EXTL1: variants seen among roughly 807,000 people sequenced by gnomAD.
The protein encoded by EXTL1 is exostosin like glycosyltransferase 1.
Under a neutral mutation model 64.6 loss-of-function variants are expected in EXTL1, and 43 were observed. The ratio of observed to expected loss-of-function variants is 0.67; its 90% CI spans 0.52 to 0.86. The LOEUF (loss-of-function observed/expected upper bound fraction) is 0.86, where lower values mean the gene tolerates loss of function less well. Among genes scored for constraint, EXTL1 ranks in the 40% least tolerant of loss-of-function variants. The probability of loss-of-function intolerance (pLI) is 0.00; values close to 1 mark genes in which losing one functional copy is unlikely to be tolerated. For synonymous variants in EXTL1, 352 were observed against 360.5 expected (o/e 0.98, Z 0.27); for missense variants, 766 against 879.0 (o/e 0.87, Z 1.62).
At position 26,025,925 on chromosome 1, in the gene EXTL1, C is replaced by T. The variant is rs1421199126; in HGVS notation, c.779+2500C>T. On this transcript the variant is annotated intron_variant, in intron 1 of 10. Coordinates refer to ENST00000374280, the MANE Select transcript of EXTL1 (RefSeq NM_004455.3). This position sits in a 1 kb window ranked among gnomAD's most constrained non-coding sequence, Gnocchi z 5.3. ...AAGGGGCACAGTCAGTACCTAGGGC[C>T]CATGATACTTTTATAGGCTCATGAA... Among the ~76,000 whole-genome samples the T allele has an allele frequency of 6.6e-6, 1 of 152,118 alleles. No individual in the cohort carries two copies. The highest frequency in any genetic ancestry group is 1.5e-5 in the Non-Finnish European group (1 of 68,014).
chr1:26,023,057 C>G lies in EXTL1; in HGVS notation c.411C>G (p.Leu137=). 6.2e-7 allele frequency: 1 copy of G among 1,613,908 alleles called. No individual in the cohort carries two copies. ...SPAGACLLLL[L]SLDAQTGECS... is the part of the protein sequence containing the mutation. ...CTGGGGCCTGCCTCCTCCTCCTCCT[C>G]AGCCTGGACGCCCAGACTGGAGAGT... The change falls in exon 1 of 11, where the codon CTC becomes CTG. Residue 137 remains leucine, a synonymous_variant. Coordinates refer to ENST00000374280, the MANE Select transcript of EXTL1 (RefSeq NM_004455.3).
intron 6 of EXTL1, 71 bp downstream of exon 6, chr1:26,031,637 C>T (rs1035280570): frequency 1.1e-6 from 1 of 885,502 alleles, no homozygotes; most frequent in Non-Finnish European, 1.6e-6. Flanking sequence ...GCCCTGATGA[C>T]TTCCAGACCC....
At position 26,029,185 on chromosome 1, in the gene EXTL1, C is replaced by A; in HGVS notation, c.780-8C>A. Reference sequence around the variant, plus strand: ...TGTGTGGTGGGACCTCCCCATGTGCCTCTTTAGGACCCAGCGCCAGGAGAC... The same window carrying A: ...TGTGTGGTGGGACCTCCCCATGTGCATCTTTAGGACCCAGCGCCAGGAGAC... On this transcript the variant is annotated splice_region_variant and splice_polypyrimidine_tract_variant and intron_variant, in intron 1 of 10. Coordinates refer to ENST00000374280, the MANE Select transcript of EXTL1 (RefSeq NM_004455.3). 6.2e-7 allele frequency: 1 copy of A among 1,609,710 alleles called. No individual in the cohort carries two copies. Among genetic ancestry groups the A allele is most frequent in the South Asian group, 1.1e-5 (1 of 90,916 alleles).
At position 26,032,378 on chromosome 1, in the gene EXTL1, C is replaced by T. The variant is rs1354723592; in HGVS notation, c.1342-18C>T. On this transcript the variant is annotated intron_variant, in intron 6 of 10. Coordinates refer to ENST00000374280, the MANE Select transcript of EXTL1 (RefSeq NM_004455.3). Reference sequence around the variant, plus strand: ...TGCCCCAGATCCCAGACTTCAAGAACAACCCCCTATCCTCTAGATCTTGGT... The same window carrying T: ...TGCCCCAGATCCCAGACTTCAAGAATAACCCCCTATCCTCTAGATCTTGGT... 1.3e-6 allele frequency: 2 copies of T among 1,543,032 alleles called. No individual in the cohort carries two copies. Among genetic ancestry groups the T allele is most frequent in the Non-Finnish European group, 1.8e-6 (2 of 1,139,022 alleles).
In EXTL1 at chr1:26,034,894, G is replaced by T. The variant is rs745848755; in HGVS notation, c.1738G>T (p.Glu580Ter). ...LPKALRTLAD[E>*]APTCVDVLMN... is the part of the protein sequence containing the mutation. ...CAAGGCTCTGAGGACCCTGGCAGAT[G>T]AGGCACCCACCTGTGTGGACGTCCT... Residue 580 changes from glutamate (E) to a stop codon, truncating the protein, a stop_gained, in exon 10 of 11, where the codon GAG becomes TAG. Coordinates refer to ENST00000374280, the MANE Select transcript of EXTL1 (RefSeq NM_004455.3). LOFTEE classifies it high-confidence loss of function. The surrounding 1 kb of genome is among the most constrained non-coding windows in gnomAD (Gnocchi z 4.6). The T allele has an allele frequency of 6.2e-7, 1 of 1,614,200 alleles. No homozygotes were observed. Among genetic ancestry groups the T allele is most frequent in the Admixed American group, 1.7e-5 (1 of 60,028 alleles).
intron 1 of EXTL1, 129 bp downstream of exon 1, chr1:26,023,554 G>C: frequency 1.0e-6 from 1 of 990,984 alleles, no homozygotes; most frequent in Non-Finnish European, 1.3e-6. Context: ...GGCCTCAGCT[G>C]CAGCAGCAGG....
In EXTL1 at chr1:26,033,285, C is replaced by T. The variant is rs765956224; in HGVS notation, c.1488C>T (p.Leu496=). The T allele has an allele frequency of 8.1e-6, 13 of 1,613,896 alleles. No individual in the cohort carries two copies. In the East Asian group the frequency reaches 1.6e-4, roughly 19 times the overall value. ...STIRTDAILS[L]DARSSLSTSE... ...TCAGAACAGATGCCATCCTCAGCCT[C>T]GATGCCCGCAGCAGTCTTTCCACAA... is the stretch of plus-strand genomic sequence containing the variant. Residue 496 remains leucine, a synonymous_variant, in exon 8 of 11, where the codon CTC becomes CTT. Transcript: ENST00000374280. The surrounding 1 kb of genome is among the most constrained non-coding windows in gnomAD (Gnocchi z 5.1).
chr1:26,023,501 G>A (rs769878969), intron 1 of EXTL1, 76 bp downstream of exon 1: 2 of 1,364,050 alleles, frequency 1.5e-6, no homozygotes, highest in Non-Finnish European at 1.9e-6. Flanking sequence ...GAGGGTAGAA[G>A]GCAGGACTGA....
rs543001528 is a variant in EXTL1, at chr1:26,035,482, G to A, written c.*135G>A. The A allele has an allele frequency of 2.5e-5, 20 of 792,962 alleles. No individual in the cohort carries two copies. In the African/African-American group the frequency reaches 2.6e-4, roughly 10 times the overall value. The allele number at this position is 792,962 out of a possible 1,614,324, so 49.1% of individuals were successfully genotyped here. On this transcript the variant is annotated 3_prime_UTR_variant, in exon 11 of 11. Transcript: ENST00000374280. The surrounding 1 kb of genome is among the most constrained non-coding windows in gnomAD (Gnocchi z 5.3). ...CAGCGGGCCCACACGTCGGACCCCG[G>A]TTGGCCAATCACAACAGGGGGGCGT...
chr1:26,030,288 A>T (rs2050267578), intron 3 of EXTL1, among the ~76,000 whole-genome samples, 188 bp from the exon 4 acceptor site: 1 of 151,424 alleles, frequency 6.6e-6, no homozygotes, highest in South Asian at 2.1e-4. Context: ...CGTGGTTACC[A>T]AGTGGCATTC....
At chr1:26,027,785 G>T (rs188287567) in intron 1 of EXTL1, among the ~76,000 whole-genome samples, 2 of 151,844 alleles carry the variant, frequency 1.3e-5, no homozygotes, top group Non-Finnish European at 2.9e-5. Flanking sequence ...AGTTGAGGCT[G>T]CAGTGAGCTG....
chr1:26,031,539 G>A lies in EXTL1; in HGVS notation c.1314G>A (p.Ala438=), dbSNP rs369796783. The A allele has an allele frequency of 9.4e-6, 15 of 1,597,544 alleles. No individual in the cohort carries two copies. The highest frequency in any genetic ancestry group is 4.0e-5 in the African/African-American group (3 of 74,642). ...AGCCCCCTCTGAAGCTCATCCAGGC[G>A]GTGGCAGGCTCCCAGCACTGTGCCC... ...PGQPPLKLIQ[A]VAGSQHCAQI... The change falls in exon 6 of 11, where the codon GCG becomes GCA. Residue 438 remains alanine (A), a synonymous_variant. Transcript: ENST00000374280.
intron 1 of EXTL1, 133 bp from the exon 2 acceptor site, chr1:26,029,060 T>C: frequency 1.6e-6 from 1 of 620,382 alleles, no homozygotes; most frequent in Non-Finnish European, 3.0e-6. Context: ...TGCATATGCA[T>C]GAGTGGGTTT....
At position 26,025,016 on chromosome 1, in the gene EXTL1, G is replaced by A. The variant is rs2050199751; in HGVS notation, c.779+1591G>A. On this transcript the variant is annotated intron_variant, in intron 1 of 10. Transcript: ENST00000374280. The surrounding 1 kb of genome is among the most constrained non-coding windows in gnomAD (Gnocchi z 5.3). ...ATTAGCGTGGGTCACCCTCTGAGTAGCATTTTTGATAAGTTTTATTTCCCA... is the reference window on the plus strand; with the variant it reads ...ATTAGCGTGGGTCACCCTCTGAGTAACATTTTTGATAAGTTTTATTTCCCA... Among the ~76,000 whole-genome samples, 2 of 152,202 alleles carry A rather than the reference G, an allele frequency of 1.3e-5. No individual in the cohort carries two copies. Among genetic ancestry groups the A allele is most frequent in the East Asian group, 1.9e-4 (1 of 5,190 alleles).
intron 3 of EXTL1, 139 bp from the exon 4 acceptor site, chr1:26,030,337 T>TG: frequency 3.2e-6 from 2 of 623,438 alleles, no homozygotes; most frequent in Non-Finnish European, 4.8e-6. Context: ...CTTCTTTTTT[T>TG]TTTTTTTTTT....
In EXTL1 at chr1:26,022,738, G is replaced by A. The variant is rs749852115; in HGVS notation, c.92G>A (p.Arg31His). 81 of 1,613,840 alleles carry A rather than the reference G, an allele frequency of 5.0e-5. No individual in the cohort carries two copies. The highest frequency in any genetic ancestry group is 1.6e-4 in the East Asian group (7 of 44,870). The change falls in exon 1 of 11, where the codon CGC becomes CAC. Residue 31 changes from arginine to histidine, a missense_variant. Arg to His is a conservative substitution (Grantham distance 29, BLOSUM62 0). Around this residue, in one of 3 missense-constraint regions of EXTL1, gnomAD observed 571 missense variants for 647.6 expected, o/e 0.88. Coordinates refer to ENST00000374280, the MANE Select transcript of EXTL1 (RefSeq NM_004455.3). ...CTGCTGGGAGGCTTCTCCCTTCTCC[G>A]CCTGGCATTGCCTCCCAGACCTCGG... ...LVLLGGFSLL[R>H]LALPPRPRPG...
Position 26,022,799 on chromosome 1 carries a change from T to G in EXTL1, c.153T>G (p.Asp51Glu). 6.2e-7 allele frequency: 1 copy of G among 1,614,034 alleles called. No individual in the cohort carries two copies. The highest frequency in any genetic ancestry group is 8.5e-7 in the Non-Finnish European group (1 of 1,179,988). The change falls in exon 1 of 11, where the codon GAT becomes GAG. Residue 51 changes from aspartate to glutamate, a missense_variant. Asp to Glu is a conservative substitution (Grantham distance 45). This residue lies in a region of EXTL1 where 571 missense variants were observed against 647.6 expected (regional missense o/e 0.88). Transcript: ENST00000374280. The part of the protein sequence containing the change: ...GASQGWPRWL[D>E]AELLQSFSQP... ...CCCAAGGCTGGCCCCGCTGGCTGGA[T>G]GCAGAGCTCCTGCAGAGCTTCTCCC...
rs752345789 is a variant in EXTL1, at chr1:26,034,939, G to A, written c.1783G>A (p.Ala595Thr). 6.2e-7 allele frequency: 1 copy of A among 1,614,224 alleles called. No homozygotes were observed. The highest frequency in any genetic ancestry group is 8.5e-7 in the Non-Finnish European group (1 of 1,180,036). Residue 595 changes from alanine (A) to threonine (T), a missense_variant, in exon 10 of 11, where the codon GCA becomes ACA. Coordinates refer to ENST00000374280, the MANE Select transcript of EXTL1 (RefSeq NM_004455.3). This position sits in a 1 kb window ranked among gnomAD's most constrained non-coding sequence, Gnocchi z 4.6. Reference protein sequence around the residue: ...VDVLMNFIVAAVTKLPPIKVP... With the variant: ...VDVLMNFIVATVTKLPPIKVP... ...CGTCCTGATGAATTTCATAGTAGCA[G>A]CAGTCACCAAGCTGCCCCCTATCAA...
intron 6 of EXTL1, 53 bp from the exon 7 acceptor site, chr1:26,032,340 GCAA>G (rs1359370737): frequency 7.9e-7 from 1 of 1,273,168 alleles, no homozygotes; most frequent in African/African-American, 1.5e-5. Flanking sequence ...CCTGCCCCTC[GCAA>G]CCCGCCTTCT....
Sources: gnomAD v4.1 joint callset for allele counts (sites outside exome capture counted in the v4.1 genomes callset) on GRCh38, gnomAD v4.1.1 for gene constraint, gnomAD v4.1.1 regional missense constraint, Gnocchi (gnomAD v3.1) non-coding constraint, MANE v1.5 for transcripts, NCBI Gene and HGNC (gene_info 2026-07-23, HGNC 2026-07-21) for gene names.